ZFHX3: variants seen among roughly 807,000 people sequenced by gnomAD.
ZFHX3 encodes zinc finger homeobox 3.
Under a neutral mutation model 279.1 loss-of-function variants are expected in ZFHX3, and 42 were observed. That is an observed-to-expected ratio of 0.15 (90% CI 0.12 to 0.19). ZFHX3 has a LOEUF of 0.19. Ranked by LOEUF, ZFHX3 falls within the 10% of genes least tolerant of loss-of-function variation. ZFHX3 has a pLI of 1.00. For synonymous variants in ZFHX3, 2,293 were observed against 1,957.8 expected, an observed-to-expected ratio of 1.17 and a Z score of -4.52; for missense variants, 4,981 against 4,754.0, an observed-to-expected ratio of 1.05 and a Z score of -1.40.
At chr16:73,389,617 C>T (rs1310566753) in intron 3 of ZFHX3, among the ~76,000 whole-genome samples, 1 of 152,222 alleles carries the variant, frequency 6.6e-6, no homozygotes, top group African/African-American at 2.4e-5. Context: ...AGGCAACACA[C>T]AGCTGCTCAC....
At chr16:73,291,574 AG>A (rs1233938259) in intron 4 of ZFHX3, among the ~76,000 whole-genome samples, 1 of 152,234 alleles carries the variant, frequency 6.6e-6, no homozygotes, top group Non-Finnish European at 1.5e-5. Context: ...ACCCCTGATT[AG>A]AAAGCCTGAA....
intron 2 of ZFHX3, chr16:73,558,125 G>A (rs965791241): frequency 1.3e-5 from 2 of 152,214 alleles, no homozygotes; most frequent in Non-Finnish European, 2.9e-5. Context: ...CACCAGTAGG[G>A]AGAATGGCTT....
chr16:73,472,294 ATCTAAAG>A (rs1482242455), intron 2 of ZFHX3, among the ~76,000 whole-genome samples: 3 of 150,650 alleles, frequency 2.0e-5, no homozygotes, highest in Non-Finnish European at 4.4e-5. Context: ...AAAACAGCAT[ATCTAAAG>A]TCCCAAAGAC....
intron 7 of ZFHX3, chr16:73,093,802 G>A: frequency 7.1e-6 from 2 of 282,874 alleles, no homozygotes; most frequent in South Asian, 7.2e-5. Flanking sequence ...AATGAGTGAT[G>A]TGTTCACTTT....
At chr16:73,297,026 C>T (rs2014933347) in intron 4 of ZFHX3, among the ~76,000 whole-genome samples, 1 of 149,988 alleles carries the variant, frequency 6.7e-6, no homozygotes, top group South Asian at 2.1e-4. Context: ...TACAGGCGCC[C>T]ACCACCCTGC....
Position 73,271,716 on chromosome 16 carries a change from G to C in ZFHX3, c.-1193-14580C>G, listed in dbSNP as rs561482439. Among the ~76,000 whole-genome samples, 12 of 152,336 alleles carry C rather than the reference G, an allele frequency of 7.9e-5. No homozygotes were observed. In the Middle Eastern group the frequency reaches 0.02, roughly 259 times the overall value. The stretch of plus-strand genomic sequence containing the variant: ...GGAGCATGGCAGGTGCCTGACAAAG[G>C]AGGAATTATGTCCTGGCTGATTGAC... On this transcript the variant is annotated intron_variant, in intron 4 of 17. Coordinates refer to the ZFHX3 transcript ENST00000641206.
intron 3 of ZFHX3, among the ~76,000 whole-genome samples, chr16:73,447,816 G>C (rs1454563745): frequency 6.6e-6 from 1 of 152,288 alleles, no homozygotes; most frequent in Admixed American, 6.5e-5. Flanking sequence ...ATAAATAACA[G>C]CATGAAGGGA....
At chr16:73,729,679 C>T (rs1304361646) in intron 1 of ZFHX3, among the ~76,000 whole-genome samples, 1 of 152,194 alleles carries the variant, frequency 6.6e-6, no homozygotes, top group Non-Finnish European at 1.5e-5. Context: ...ACCTCTCCCG[C>T]AATCTTGGCA....
At chr16:72,884,922 G>C (rs1163043507) in intron 4 of ZFHX3, among the ~76,000 whole-genome samples, 1 of 152,334 alleles carries the variant, frequency 6.6e-6, no homozygotes, top group South Asian at 2.1e-4. Flanking sequence ...GGGTGGGTAA[G>C]TATGAAATGC....
chr16:73,121,576 A>T (rs1482680780), intron 7 of ZFHX3, among the ~76,000 whole-genome samples: 1 of 151,654 alleles, frequency 6.6e-6, no homozygotes, highest in Non-Finnish European at 1.5e-5. Context: ...ATATGTTCTT[A>T]CATAGGACTT....
rs986666442 is a variant in ZFHX3 at position 73,161,394 on chromosome 16, C to G, written c.-1103-17563G>C. The stretch of plus-strand genomic sequence containing the variant: ...TCTTACAGCCTTAGAGTCTCAGTCG[C>G]TCAACGGTTATTGATCACATTCCAC... On this transcript the variant is annotated intron_variant, in intron 5 of 17. Coordinates refer to the ZFHX3 transcript ENST00000641206. 3.9e-5 allele frequency among the ~76,000 whole-genome samples: 6 copies of G among 152,310 alleles called. No individual in the cohort carries two copies. The East Asian group carries it at 5.8e-4, about 15-fold the overall frequency.
chr16:72,951,322 A>G (rs572464385), intron 2 of ZFHX3, among the ~76,000 whole-genome samples: 1 of 151,350 alleles, frequency 6.6e-6, no homozygotes, highest in South Asian at 2.1e-4. Flanking sequence ...GTGCAGTGGC[A>G]CAATCTCAGC....
At chr16:73,258,532 G>A (rs1352868647) in intron 4 of ZFHX3, among the ~76,000 whole-genome samples, 1 of 151,942 alleles carries the variant, frequency 6.6e-6, no homozygotes, top group Non-Finnish European at 1.5e-5. Flanking sequence ...TGTATTTTTA[G>A]TAGAGAAGAG....
chr16:72,857,907 A>C (rs961967106), intron 4 of ZFHX3, among the ~76,000 whole-genome samples: 6 of 152,232 alleles, frequency 3.9e-5, no homozygotes, highest in Non-Finnish European at 7.3e-5. Flanking sequence ...TCTTTCAGAC[A>C]AAGGCAGGGT....
At chr16:72,818,315 T>C (rs564044319) in intron 5 of ZFHX3, among the ~76,000 whole-genome samples, 1 of 152,270 alleles carries the variant, frequency 6.6e-6, no homozygotes, top group African/African-American at 2.4e-5. Context: ...TGCTTTTGGA[T>C]TTTGTGATCT....
At chr16:73,437,102 G>T (rs1275532175) in intron 3 of ZFHX3, among the ~76,000 whole-genome samples, 1 of 152,104 alleles carries the variant, frequency 6.6e-6, no homozygotes, top group Non-Finnish European at 1.5e-5. Context: ...CTTACAAATA[G>T]TAGAAACTTA....
chr16:73,180,033 G>A (rs1013807155), intron 5 of ZFHX3, among the ~76,000 whole-genome samples: 1 of 152,174 alleles, frequency 6.6e-6, no homozygotes, highest in African/African-American at 2.4e-5. Flanking sequence ...AATAGAAGGT[G>A]ATAAATCAAG....
At chr16:73,339,453 T>C (rs886495436) in intron 3 of ZFHX3, among the ~76,000 whole-genome samples, 3 of 152,264 alleles carry the variant, frequency 2.0e-5, no homozygotes, top group South Asian at 4.1e-4. Context: ...TGAACTCAAA[T>C]AGTGGTTAAT....
intron 5 of ZFHX3, among the ~76,000 whole-genome samples, chr16:73,145,230 G>A (rs531395492): frequency 8.5e-5 from 13 of 152,258 alleles, no homozygotes; most frequent in Admixed American, 6.5e-4. Flanking sequence ...AGCCCTGCTC[G>A]GTCCTGGCCA....
Sources: gnomAD v4.1 joint callset for allele counts (sites outside exome capture counted in the v4.1 genomes callset) on GRCh38, gnomAD v4.1.1 for gene constraint, MANE v1.5 for transcripts, NCBI Gene and HGNC (gene_info 2026-07-23, HGNC 2026-07-21) for gene names.